Variants in COL4A6 observed in about 807,000 individuals in gnomAD.
COL4A6 encodes the protein collagen type IV alpha 6 chain.
A neutral mutation model predicts 126.7 loss-of-function variants in COL4A6; 59 were observed. The ratio of observed to expected loss-of-function variants is 0.47; its 90% CI spans 0.38 to 0.58. The LOEUF (loss-of-function observed/expected upper bound fraction) is 0.58. Ranked by LOEUF, COL4A6 falls within the 20% of genes least tolerant of loss-of-function variation. The pLI is 0.00. For missense variants in COL4A6, 1,285 were observed against 1,337.3 expected (o/e 0.96, Z 0.61); for synonymous variants, 547 against 496.6 (o/e 1.10, Z -1.35).
chrX:108,173,502 G>A (rs202025089), intron 31 of COL4A6, among the ~76,000 whole-genome samples: 8 of 105,701 alleles, frequency 7.6e-5, no homozygotes, highest in African/African-American at 1.0e-4. Flanking sequence ...GTGTGTGCAC[G>A]CACACACCAA....
At chrX:108,183,751 A>G in intron 23 of COL4A6, 1 of 765,282 alleles carries the variant, frequency 1.3e-6, no homozygotes, top group Non-Finnish European at 1.6e-6. Context: ...TCCTTTACCA[A>G]CCTCTCTACA....
chrX:108,368,727 A>T (rs1317300640), intron 2 of COL4A6, among the ~76,000 whole-genome samples: 1 of 111,795 alleles, frequency 8.9e-6, no homozygotes, highest in Non-Finnish European at 1.9e-5. Flanking sequence ...AAGTTTTTTT[A>T]TTGCTAAAAT....
intron 16 of COL4A6, among the ~76,000 whole-genome samples, chrX:108,194,069 C>A (rs1226463582): frequency 1.8e-5 from 2 of 112,345 alleles, no homozygotes; most frequent in Non-Finnish European, 3.8e-5. Context: ...CCATCACAAC[C>A]CTTGTTAGTG....
At chrX:108,305,468 G>A (rs953596394) in intron 3 of COL4A6, among the ~76,000 whole-genome samples, 4 of 111,679 alleles carry the variant, frequency 3.6e-5, no homozygotes, top group African/African-American at 6.5e-5. Flanking sequence ...AGTCCATGGG[G>A]GAGCCATTGA....
intron 2 of COL4A6, among the ~76,000 whole-genome samples, chrX:108,394,067 C>T (rs2040901534): frequency 8.9e-6 from 1 of 112,096 alleles, no homozygotes; most frequent in African/African-American, 3.2e-5. Context: ...AAATGTGGCA[C>T]ATATACACCA....
chrX:108,305,660 G>A (rs1239016144), intron 3 of COL4A6, among the ~76,000 whole-genome samples: 1 of 111,640 alleles, frequency 9.0e-6, no homozygotes, highest in Non-Finnish European at 1.9e-5. Context: ...GGAGAGAAGT[G>A]TATGTATTCA....
chrX:108,185,971 A>G lies in COL4A6; in HGVS notation c.1951+1125T>C, dbSNP rs1309630528. On this transcript the variant is annotated intron_variant, in intron 23 of 44. Transcript: ENST00000334504. Reference sequence around the variant, plus strand: ...TGGTAAAATTTTGGAGCTGGAAGTGAACATATTGTGTTTGGGTATAGTGAA... The same window carrying G: ...TGGTAAAATTTTGGAGCTGGAAGTGGACATATTGTGTTTGGGTATAGTGAA... 4.5e-5 allele frequency among the ~76,000 whole-genome samples: 5 copies of G among 112,094 alleles called. No individual in the cohort carries two copies. In the East Asian group the frequency reaches 1.4e-3, roughly 31 times the overall value.
chrX:108,356,172 C>G (rs1166495674), intron 2 of COL4A6, among the ~76,000 whole-genome samples: 1 of 94,993 alleles, frequency 1.1e-5, no homozygotes, highest in East Asian at 3.6e-4. Context: ...TTGTTCCATT[C>G]CCACCTATGA....
intron 3 of COL4A6, among the ~76,000 whole-genome samples, chrX:108,261,222 G>A (rs1194163600): frequency 8.9e-6 from 1 of 111,808 alleles, no homozygotes; most frequent in African/African-American, 3.2e-5. Context: ...AGCCACATTA[G>A]CCACATTTTA....
intron 2 of COL4A6, among the ~76,000 whole-genome samples, chrX:108,341,135 T>C (rs1465256488): frequency 9.0e-6 from 1 of 111,177 alleles, no homozygotes; most frequent in Non-Finnish European, 1.9e-5. Flanking sequence ...TACCTAAACA[T>C]CCATTGGGCT....
intron 3 of COL4A6, among the ~76,000 whole-genome samples, chrX:108,247,023 C>A (rs2036735125): frequency 1.8e-5 from 2 of 111,604 alleles, no homozygotes; most frequent in South Asian, 7.5e-4. Context: ...AGCACTAGTA[C>A]AATGCCTGAT....
intron 13 of COL4A6, among the ~76,000 whole-genome samples, 171 bp downstream of exon 13, chrX:108,202,757 G>A (rs1485655483): frequency 2.7e-5 from 3 of 111,668 alleles, no homozygotes; most frequent in East Asian, 2.8e-4. Context: ...CCATGCTTAC[G>A]TCTCCATGTG....
At chrX:108,377,864 C>CTG (rs2040475716) in intron 2 of COL4A6, among the ~76,000 whole-genome samples, 3 of 102,461 alleles carry the variant, frequency 2.9e-5, no homozygotes, top group Non-Finnish European at 5.9e-5. Flanking sequence ...ATGGTGTGAA[C>CTG]CCGGGAGGCG....
At chrX:108,176,353 G>A (rs1278852242) in intron 28 of COL4A6, among the ~76,000 whole-genome samples, 4 of 103,928 alleles carry the variant, frequency 3.8e-5, no homozygotes, top group Non-Finnish European at 5.9e-5. Context: ...ATGATTCACC[G>A]AGTTATAGCT....
rs1194273935 is a variant in COL4A6, at chrX:108,157,031, C to G, written c.5042G>C (p.Ser1681Thr). The G allele has an allele frequency of 8.3e-7, 1 of 1,211,745 alleles. No homozygotes were observed. The highest frequency in any genetic ancestry group is 3.0e-5 in the East Asian group (1 of 33,834). Residue 1681 changes from serine (S) to threonine (T), a missense_variant, in exon 45 of 45, where the codon AGT becomes ACT. By Grantham distance (58) the Ser-to-Thr change is moderately conservative. Coordinates refer to ENST00000334504, the MANE Select transcript of COL4A6 (RefSeq NM_033641.4). ...LKAGQLHTRV[S>T]RCQVCMKSL Reference sequence around the variant, plus strand: ...GCTTTTCATACACACCTGGCAGCGACTGACTCGAGTGTGGAGCTGCCCAGC... The same window carrying G: ...GCTTTTCATACACACCTGGCAGCGAGTGACTCGAGTGTGGAGCTGCCCAGC...
intron 2 of COL4A6, among the ~76,000 whole-genome samples, chrX:108,376,188 G>T (rs1220816175): frequency 9.0e-6 from 1 of 111,380 alleles, no homozygotes; most frequent in African/African-American, 3.3e-5. Context: ...TGTTTGAAGA[G>T]GGCTTTTATT....
chrX:108,310,188 A>G (rs990924663), intron 3 of COL4A6, among the ~76,000 whole-genome samples: 4 of 112,120 alleles, frequency 3.6e-5, no homozygotes, highest in African/African-American at 1.3e-4. Context: ...GTGCATTGCT[A>G]ATGAGGGACA....
At chrX:108,200,047 G>T (rs749790686) in intron 13 of COL4A6, among the ~76,000 whole-genome samples, 1 of 111,940 alleles carries the variant, frequency 8.9e-6, no homozygotes, top group Admixed American at 9.5e-5. Context: ...ACCTCACAGG[G>T]ACAATGCCAG....
intron 3 of COL4A6, among the ~76,000 whole-genome samples, chrX:108,302,714 C>T (rs757004477): frequency 9.0e-6 from 1 of 110,672 alleles, no homozygotes; most frequent in South Asian, 4.0e-4. Context: ...TCTTGTGGAG[C>T]CCCCACTCTT....
Sources: gnomAD v4.1 joint callset for allele counts (sites outside exome capture counted in the v4.1 genomes callset) on GRCh38, gnomAD v4.1.1 for gene constraint, MANE v1.5 for transcripts, NCBI Gene and HGNC (gene_info 2026-07-23, HGNC 2026-07-21) for gene names.